The following RAB38 variants were observed in gnomAD, a reference collection of about 807,000 sequenced individuals.
RAB38 encodes the protein ras-related protein Rab-38.
A neutral mutation model predicts 18.4 loss-of-function variants in RAB38; 15 were observed. The observed-to-expected ratio is 0.82, with a 90% CI of 0.55 to 1.26. The LOEUF (loss-of-function observed/expected upper bound fraction) is 1.26, where lower values mean the gene tolerates loss of function less well. Among genes scored for constraint, RAB38 ranks in the 50% most tolerant of loss-of-function variants. RAB38 has a pLI of 0.00. For missense variants in RAB38, 294 were observed against 267.4 expected (o/e 1.10, Z -0.69); for synonymous variants, 101 against 104.4 (o/e 0.97, Z 0.20).
At chr11:88,036,922 C>A in the RAB38 span, among the ~76,000 whole-genome samples, 1 of 152,012 alleles carries the variant, frequency 6.6e-6, no homozygotes, top group Admixed American at 6.6e-5. Flanking sequence ...ATTCTTGAAT[C>A]AATATTCATA....
the RAB38 span, among the ~76,000 whole-genome samples, chr11:87,977,440 T>C: frequency 1.0e-5 from 1 of 97,558 alleles, no homozygotes; most frequent in East Asian, 2.9e-4. Flanking sequence ...AACAATTATA[T>C]ATAATTATAT....
chr11:87,963,800 C>T, the RAB38 span, among the ~76,000 whole-genome samples: 707 of 152,086 alleles, frequency 4.6e-3, 1 homozygote, highest in Middle Eastern at 0.01. Context: ...GCACCTGTCA[C>T]CACGCCTGGC....
chr11:88,027,193 T>A, the RAB38 span, among the ~76,000 whole-genome samples: 1 of 152,200 alleles, frequency 6.6e-6, no homozygotes, highest in South Asian at 2.1e-4. Flanking sequence ...TATTAACTTT[T>A]GTCAAAGTTT....
the RAB38 span, among the ~76,000 whole-genome samples, chr11:87,845,059 A>T: frequency 6.6e-6 from 1 of 152,214 alleles, no homozygotes; most frequent in Admixed American, 6.5e-5. Context: ...CTGAACTGAA[A>T]TTTGAACCAT....
the RAB38 span, among the ~76,000 whole-genome samples, chr11:88,084,583 T>C: frequency 6.6e-6 from 1 of 151,870 alleles, no homozygotes. Flanking sequence ...TCTGTTTTGA[T>C]TAATAAGTGA....
intron 2 of RAB38, among the ~76,000 whole-genome samples, chr11:88,135,654 A>G (rs1942826709): frequency 6.6e-6 from 1 of 152,214 alleles, no homozygotes; most frequent in Admixed American, 6.5e-5. Flanking sequence ...CAAAAATCTG[A>G]AACACAAAAT....
chr11:87,933,676 A>C, the RAB38 span, among the ~76,000 whole-genome samples: 1 of 152,108 alleles, frequency 6.6e-6, no homozygotes, highest in Admixed American at 6.6e-5. Flanking sequence ...ATACTTAAAA[A>C]GAAGCCTAGA....
At chr11:87,824,031 T>C in the RAB38 span, among the ~76,000 whole-genome samples, 1 of 152,194 alleles carries the variant, frequency 6.6e-6, no homozygotes, top group Non-Finnish European at 1.5e-5. Flanking sequence ...TTGAAGTTTT[T>C]GTTGAAAGAT....
At chr11:88,161,904 C>T (rs957206379) in intron 1 of RAB38, among the ~76,000 whole-genome samples, 2 of 151,978 alleles carry the variant, frequency 1.3e-5, no homozygotes, top group African/African-American at 4.8e-5. Context: ...CATCAGTAGA[C>T]CTAAGAGTGA....
the RAB38 span, among the ~76,000 whole-genome samples, chr11:87,827,951 A>T: frequency 7.2e-3 from 1,092 of 152,300 alleles, 17 homozygotes; most frequent in African/African-American, 0.025. Flanking sequence ...TTAGAACACA[A>T]AAAGAACATT....
At chr11:88,049,515 C>T in the RAB38 span, among the ~76,000 whole-genome samples, 1 of 152,180 alleles carries the variant, frequency 6.6e-6, no homozygotes, top group East Asian at 1.9e-4. Context: ...ACGGCCCCAC[C>T]CCTGTCTCCC....
the RAB38 span, among the ~76,000 whole-genome samples, chr11:87,956,990 G>T: frequency 7.3e-5 from 11 of 151,428 alleles, no homozygotes; most frequent in South Asian, 1.5e-3. Flanking sequence ...TTTTGGGGGG[G>T]GGTCCTTGAG....
the RAB38 span, among the ~76,000 whole-genome samples, chr11:87,932,664 G>C: frequency 3.9e-5 from 6 of 152,100 alleles, no homozygotes; most frequent in Non-Finnish European, 7.4e-5. Flanking sequence ...GCTCTCTGCT[G>C]TGTTAGATAA....
At chr11:88,065,614 C>T in the RAB38 span, among the ~76,000 whole-genome samples, 1 of 152,206 alleles carries the variant, frequency 6.6e-6, no homozygotes, top group Non-Finnish European at 1.5e-5. Flanking sequence ...GGCTCTCCCA[C>T]TCAAAATTAT....
the RAB38 span, among the ~76,000 whole-genome samples, chr11:88,027,978 C>T: frequency 1.3e-4 from 20 of 152,194 alleles, no homozygotes; most frequent in Non-Finnish European, 2.2e-4. Flanking sequence ...GAGGCACCCC[C>T]CAGCAGGGGC....
the RAB38 span, among the ~76,000 whole-genome samples, chr11:88,080,498 G>A: frequency 6.6e-6 from 1 of 151,786 alleles, no homozygotes; most frequent in African/African-American, 2.4e-5. Flanking sequence ...TCTGATGCAA[G>A]CCGAATCAAA....
intron 2 of RAB38, among the ~76,000 whole-genome samples, chr11:88,128,448 G>T (rs891950197): frequency 6.6e-6 from 1 of 152,202 alleles, no homozygotes; most frequent in African/African-American, 2.4e-5. Flanking sequence ...TTGATTAGCC[G>T]TAAGTTACTG....
At chr11:88,094,518 C>T in the RAB38 span, among the ~76,000 whole-genome samples, 2 of 151,938 alleles carry the variant, frequency 1.3e-5, no homozygotes, top group Non-Finnish European at 1.5e-5. Flanking sequence ...CTTACCACCA[C>T]TTTACTGTCC....
chr11:88,045,617 G>A, the RAB38 span, among the ~76,000 whole-genome samples: 3 of 152,174 alleles, frequency 2.0e-5, no homozygotes, highest in African/African-American at 7.2e-5. Flanking sequence ...CTGGCCCAAG[G>A]CTCTCTGACT....
Sources: allele counts gnomAD v4.1 joint callset (sites outside exome capture counted in the v4.1 genomes callset), GRCh38; gene constraint gnomAD v4.1.1; transcripts MANE v1.5; gene names NCBI Gene and HGNC (gene_info 2026-07-23, HGNC 2026-07-21).